MBNL1: variants seen among roughly 807,000 people sequenced by gnomAD.
MBNL1 encodes the protein muscleblind-like protein 1.
In MBNL1, 8 loss-of-function variants were observed where a neutral mutation model predicts 42.2. That is an observed-to-expected ratio of 0.19 (90% CI 0.11 to 0.34). MBNL1 has a LOEUF of 0.34. Among genes scored for constraint, MBNL1 ranks in the 10% least tolerant of loss-of-function variants. MBNL1 has a pLI of 1.00. For missense variants in MBNL1, 309 were observed against 495.3 expected (o/e 0.62, Z 3.57); for synonymous variants, 169 against 173.9 (o/e 0.97, Z 0.22).
chr3:152,250,547 C>T (rs978919102), intron 2 of MBNL1, among the ~76,000 whole-genome samples: 1 of 152,052 alleles, frequency 6.6e-6, no homozygotes, highest in Non-Finnish European at 1.5e-5. Context: ...TCTAGATATA[C>T]AATCAAGTCG....
chr3:152,397,344 C>T (rs1202202938), intron 2 of MBNL1, among the ~76,000 whole-genome samples: 1 of 152,118 alleles, frequency 6.6e-6, no homozygotes, highest in Non-Finnish European at 1.5e-5. Flanking sequence ...TCTCCTGATG[C>T]TGTCCCTCTG....
At position 152,445,673 on chromosome 3, in the gene MBNL1, G is replaced by A. The variant is rs2099213337; in HGVS notation, c.807+134G>A. ...AAGATATGTTTGTTCAGGTATCCCA[G>A]ACAATATATAAAGAAGTTACTTTCA... On this transcript the variant is annotated intron_variant, in intron 5 of 9. Transcript: ENST00000324210. 15 of 893,318 alleles carry A rather than the reference G, an allele frequency of 1.7e-5. No individual in the cohort carries two copies. In the South Asian group the frequency reaches 2.7e-4, roughly 16 times the overall value. The allele number at this position is 893,318 out of a possible 1,614,324, so 55.3% of individuals were successfully genotyped here.
chr3:152,291,386 G>A (rs1479623116), intron 1 of MBNL1, among the ~76,000 whole-genome samples: 1 of 152,030 alleles, frequency 6.6e-6, no homozygotes, highest in Non-Finnish European at 1.5e-5. Context: ...TAATCAAGGA[G>A]GTATTTAAAT....
At chr3:152,283,272 A>G (rs1405518432) in intron 1 of MBNL1, among the ~76,000 whole-genome samples, 1 of 152,220 alleles carries the variant, frequency 6.6e-6, no homozygotes, top group Admixed American at 6.5e-5. Context: ...TAAGTGTTGC[A>G]TCTACAACTT....
rs1553945384 is a variant in MBNL1 at position 152,456,316 on chromosome 3, A to G, written c.1047A>G (p.Thr349=). ...ATPATVSAAT[T]SATSVPFAAT... Reference sequence around the variant, plus strand: ...CAGCCACTGTGTCCGCAGCAACAACATCTGCCACAAGTGTTCCCTTCGCTG... The same window carrying G: ...CAGCCACTGTGTCCGCAGCAACAACGTCTGCCACAAGTGTTCCCTTCGCTG... The change falls in exon 8 of 10, where the codon ACA becomes ACG. Residue 349 remains threonine (T), a synonymous_variant. Coordinates refer to ENST00000324210, the MANE Select transcript of MBNL1 (RefSeq NM_021038.5). 2 of 1,614,028 alleles carry G rather than the reference A, an allele frequency of 1.2e-6. No homozygotes were observed.
chr3:152,341,574 G>A (rs1002840389), intron 2 of MBNL1, among the ~76,000 whole-genome samples: 2 of 152,112 alleles, frequency 1.3e-5, no homozygotes, highest in Non-Finnish European at 2.9e-5. Context: ...AATTCCCATT[G>A]TTTCCTCTCT....
In MBNL1 at chr3:152,462,945, TG is replaced by T. The variant is rs1748212196; in HGVS notation, c.*580del. 1 of 152,536 alleles carries T rather than the reference TG, an allele frequency of 6.6e-6. No homozygotes were observed. The highest frequency in any genetic ancestry group is 1.5e-5 in the Non-Finnish European group (1 of 67,976). The allele number at this position is 152,536 out of a possible 1,614,324, so 9.4% of individuals were successfully genotyped here. ...TGGTGAGGGAGGGATCTGACAGAGA[TG>T]AATGTGCCAAGCAAAACCACAACTG... On this transcript the variant is annotated 3_prime_UTR_variant, in exon 10 of 10. Coordinates refer to ENST00000324210, the MANE Select transcript of MBNL1 (RefSeq NM_021038.5).
At chr3:152,326,641 C>A (rs1250497341) in intron 2 of MBNL1, among the ~76,000 whole-genome samples, 1 of 151,586 alleles carries the variant, frequency 6.6e-6, no homozygotes, top group Non-Finnish European at 1.5e-5. Flanking sequence ...TAGTTTATAT[C>A]AGAAAAAGGG....
At chr3:152,253,147 T>A (rs2034915669) in intron 2 of MBNL1, among the ~76,000 whole-genome samples, 1 of 152,146 alleles carries the variant, frequency 6.6e-6, no homozygotes, top group African/African-American at 2.4e-5. Flanking sequence ...TACACTCAGA[T>A]GTTAAGAGGC....
At chr3:152,272,668 A>C (rs746778248) in intron 1 of MBNL1, among the ~76,000 whole-genome samples, 1 of 152,060 alleles carries the variant, frequency 6.6e-6, no homozygotes, top group Non-Finnish European at 1.5e-5. Flanking sequence ...TGCAGATAGG[A>C]GGGTATTGTT....
intron 2 of MBNL1, among the ~76,000 whole-genome samples, chr3:152,323,206 A>G (rs1045241804): frequency 6.6e-6 from 1 of 152,152 alleles, no homozygotes; most frequent in Non-Finnish European, 1.5e-5. Flanking sequence ...ATTGGACATT[A>G]TTTTTAAATG....
chr3:152,345,592 A>G (rs572044522), intron 2 of MBNL1, among the ~76,000 whole-genome samples: 1 of 150,802 alleles, frequency 6.6e-6, no homozygotes, highest in South Asian at 2.1e-4. Flanking sequence ...GTTTTTATTT[A>G]GAGAGAGAGA....
chr3:152,257,163 A>G (rs1361225012), intron 2 of MBNL1, among the ~76,000 whole-genome samples: 1 of 152,184 alleles, frequency 6.6e-6, no homozygotes, highest in Non-Finnish European at 1.5e-5. Flanking sequence ...CGTGTGTGTG[A>G]GAGAATAAAT....
intron 2 of MBNL1, among the ~76,000 whole-genome samples, chr3:152,348,507 G>C (rs2094552710): frequency 6.6e-6 from 1 of 152,096 alleles, no homozygotes; most frequent in Non-Finnish European, 1.5e-5. Context: ...GTAATAGGCA[G>C]TTGTTATAGT....
chr3:152,332,692 TTGTGTGTGTGTGTGTGTGTGTGTGTGTG>T (rs71144115), intron 2 of MBNL1, among the ~76,000 whole-genome samples: 2 of 132,998 alleles, frequency 1.5e-5, no homozygotes, highest in Non-Finnish European at 3.2e-5. Context: ...TTTCATGGTT[TTGTGTGTGTGTGTGTGTGTGTGTGTGTG>T]TGTGTGTGTG....
upstream of MBNL1, chr3:152,264,362 A>C (rs963837804): frequency 2.0e-5 from 3 of 152,214 alleles, no homozygotes; most frequent in Admixed American, 6.5e-5. Flanking sequence ...AAAAATAGAA[A>C]GAATAAAAGA....
intron 1 of MBNL1, 96 bp downstream of exon 1, chr3:152,269,188 C>T (rs1163150050): frequency 7.6e-6 from 3 of 392,380 alleles, no homozygotes; most frequent in South Asian, 5.5e-5. Context: ...AGGAGGTGCT[C>T]GCCGGCCGCG....
chr3:152,313,882 A>G (rs987789486), intron 2 of MBNL1, among the ~76,000 whole-genome samples: 3 of 152,226 alleles, frequency 2.0e-5, no homozygotes, highest in African/African-American at 4.8e-5. Context: ...ATAATTCAGA[A>G]TTTATATTGT....
chr3:152,419,663 A>G (rs1012952816), intron 3 of MBNL1, among the ~76,000 whole-genome samples: 2 of 151,366 alleles, frequency 1.3e-5, no homozygotes, highest in African/African-American at 4.8e-5. Flanking sequence ...TTGGGCAGAC[A>G]CTGAGCTGGC....
Sources: gnomAD v4.1 joint callset for allele counts (sites outside exome capture counted in the v4.1 genomes callset) on GRCh38, gnomAD v4.1.1 for gene constraint, MANE v1.5 for transcripts, NCBI Gene and HGNC (gene_info 2026-07-23, HGNC 2026-07-21) for gene names.